The following CLMP variants were observed in gnomAD, a reference collection of about 807,000 sequenced individuals.
The protein encoded by CLMP is CXADR like cell adhesion molecule.
Under a neutral mutation model 45.2 loss-of-function variants are expected in CLMP, and 27 were observed. That is an observed-to-expected ratio of 0.60 (90% CI 0.44 to 0.82). The LOEUF (loss-of-function observed/expected upper bound fraction) is 0.82, where lower values mean the gene tolerates loss of function less well. Among genes scored for constraint, CLMP ranks in the 40% least tolerant of loss-of-function variants. CLMP has a pLI of 0.00. For synonymous variants in CLMP, 167 were observed against 171.4 expected (o/e 0.97, Z 0.20); for missense variants, 403 against 448.4 (o/e 0.90, Z 0.91).
At chr11:123,110,127 C>G (rs757571900) in intron 1 of CLMP, among the ~76,000 whole-genome samples, 9 of 152,130 alleles carry the variant, frequency 5.9e-5, no homozygotes, top group African/African-American at 2.2e-4. Context: ...TTCCTTCCAT[C>G]CCTCCAAAGG....
intron 1 of CLMP, among the ~76,000 whole-genome samples, chr11:123,168,579 C>T (rs912365241): frequency 2.6e-5 from 4 of 152,086 alleles, no homozygotes; most frequent in Admixed American, 1.3e-4. Flanking sequence ...AGGACAGGGT[C>T]GGCTAACCCT....
At chr11:123,143,077 A>G (rs919662869) in intron 1 of CLMP, among the ~76,000 whole-genome samples, 1 of 152,198 alleles carries the variant, frequency 6.6e-6, no homozygotes. Context: ...CTTACAACCT[A>G]TTCCCTGGGC....
chr11:123,088,450 C>T (rs903910465), intron 2 of CLMP, among the ~76,000 whole-genome samples: 4 of 152,094 alleles, frequency 2.6e-5, no homozygotes, highest in African/African-American at 9.7e-5. Flanking sequence ...ATATTTCCCC[C>T]AGATGCATAA....
At chr11:123,126,028 T>G (rs1860890072) in intron 1 of CLMP, among the ~76,000 whole-genome samples, 1 of 152,180 alleles carries the variant, frequency 6.6e-6, no homozygotes, top group Admixed American at 6.6e-5. Flanking sequence ...CATGTGCTAC[T>G]CACACTGCTC....
At chr11:123,166,306 A>G (rs762505145) in intron 1 of CLMP, among the ~76,000 whole-genome samples, 1 of 152,034 alleles carries the variant, frequency 6.6e-6, no homozygotes, top group South Asian at 2.1e-4. Flanking sequence ...GCCAAGCCCC[A>G]GGGCTACACC....
At chr11:123,098,228 G>A (rs1184009697) in intron 1 of CLMP, among the ~76,000 whole-genome samples, 1 of 151,792 alleles carries the variant, frequency 6.6e-6, no homozygotes, top group Non-Finnish European at 1.5e-5. Context: ...AATTGCTCAT[G>A]TTAACTTTTT....
intron 1 of CLMP, among the ~76,000 whole-genome samples, chr11:123,139,803 G>A (rs944688918): frequency 1.3e-5 from 2 of 151,720 alleles, no homozygotes; most frequent in African/African-American, 2.4e-5. Context: ...GCAACAGAGC[G>A]AGACACCGTC....
chr11:123,093,579 CTCAAATGA>C (rs1414558001), intron 2 of CLMP, among the ~76,000 whole-genome samples: 1 of 89,288 alleles, frequency 1.1e-5, no homozygotes, highest in Non-Finnish European at 2.2e-5. Flanking sequence ...AACTCTTGAC[CTCAAATGA>C]TCTGCCCACC....
intron 1 of CLMP, among the ~76,000 whole-genome samples, chr11:123,149,953 C>T (rs1252923629): frequency 3.3e-5 from 5 of 151,474 alleles, no homozygotes; most frequent in South Asian, 2.1e-4. Context: ...TACAGGCGCT[C>T]GCCACCATGC....
chr11:123,142,465 C>T (rs1488193019), intron 1 of CLMP, among the ~76,000 whole-genome samples: 2 of 152,150 alleles, frequency 1.3e-5, no homozygotes, highest in Non-Finnish European at 2.9e-5. Flanking sequence ...GCAGTTTCCA[C>T]AGTGCCTGGC....
In CLMP at chr11:123,074,829, C is replaced by A. The variant is rs780267376; in HGVS notation, c.694G>T (p.Gly232Cys). The A allele has an allele frequency of 4.3e-6, 7 of 1,613,572 alleles. No homozygotes were observed. The East Asian group carries it at 1.1e-4, about 26-fold the overall frequency. The change falls in exon 6 of 7, where the codon GGC (glycine) becomes TGC (cysteine). Residue 232 changes from glycine to cysteine, a missense_variant. Transcript: ENST00000448775. ...RVTVQYVQSI[G>C]MVAGAVTGIV... is the part of the protein sequence containing the mutation. Reference sequence around the variant, plus strand: ...CCTGTCACTGCTCCTGCAACCATGCCGATGCTTTGTACATCTATTTTCTCA... The same window carrying A: ...CCTGTCACTGCTCCTGCAACCATGCAGATGCTTTGTACATCTATTTTCTCA...
chr11:123,105,404 C>T (rs963648866), intron 1 of CLMP, among the ~76,000 whole-genome samples: 2 of 123,812 alleles, frequency 1.6e-5, no homozygotes, highest in South Asian at 2.9e-4. Flanking sequence ...TTCCTTCCTT[C>T]CTCTCTCTCT....
At chr11:123,167,531 T>C (rs549599064) in intron 1 of CLMP, among the ~76,000 whole-genome samples, 3 of 150,088 alleles carry the variant, frequency 2.0e-5, no homozygotes, top group East Asian at 1.9e-4. Flanking sequence ...GTGATCCGCC[T>C]GCCTTGGCCT....
At chr11:123,115,231 A>G (rs1306932687) in intron 1 of CLMP, among the ~76,000 whole-genome samples, 1 of 150,532 alleles carries the variant, frequency 6.6e-6, no homozygotes, top group Non-Finnish European at 1.5e-5. Flanking sequence ...TTTTTTTGGT[A>G]GAGACAAGGT....
intron 1 of CLMP, among the ~76,000 whole-genome samples, chr11:123,158,628 G>C (rs911774807): frequency 6.6e-6 from 1 of 152,332 alleles, no homozygotes; most frequent in Non-Finnish European, 1.5e-5. Context: ...ACAAAGCCAG[G>C]AGACTATCTG....
chr11:123,118,322 A>G (rs539264154), intron 1 of CLMP, among the ~76,000 whole-genome samples: 1 of 152,208 alleles, frequency 6.6e-6, no homozygotes, highest in South Asian at 2.1e-4. Context: ...TTTAATAGAG[A>G]CAAGGTTTCA....
chr11:123,123,377 A>C (rs1860846102), intron 1 of CLMP, among the ~76,000 whole-genome samples: 2 of 150,058 alleles, frequency 1.3e-5, no homozygotes, highest in South Asian at 2.1e-4. Context: ...CTCGTGGATC[A>C]GCCTCCCAAG....
At chr11:123,125,610 TTTC>T (rs1430398704) in intron 1 of CLMP, among the ~76,000 whole-genome samples, 1 of 133,084 alleles carries the variant, frequency 7.5e-6, no homozygotes, top group Non-Finnish European at 1.7e-5. Flanking sequence ...CTTTTCTTTC[TTTC>T]TTTTTTTTGA....
At chr11:123,077,124 A>C (rs1346460325) in intron 5 of CLMP, among the ~76,000 whole-genome samples, 1 of 132,502 alleles carries the variant, frequency 7.5e-6, no homozygotes, top group Non-Finnish European at 1.6e-5. Context: ...TCAGTTTCCT[A>C]AGTAGCTGGG....
Sources: allele counts gnomAD v4.1 joint callset (sites outside exome capture counted in the v4.1 genomes callset), GRCh38; gene constraint gnomAD v4.1.1; transcripts MANE v1.5; gene names NCBI Gene and HGNC (gene_info 2026-07-23, HGNC 2026-07-21).